The following STIL variants were observed in gnomAD, a reference collection of about 807,000 sequenced individuals.
STIL encodes STIL centriolar assembly protein.
STIL carries 55 observed loss-of-function variants against 110.1 expected under a neutral mutation model. The observed-to-expected ratio is 0.50, with a 90% CI of 0.40 to 0.63. The LOEUF (loss-of-function observed/expected upper bound fraction) is 0.63. Ranked by LOEUF, STIL falls within the 20% of genes least tolerant of loss-of-function variation. The probability of loss-of-function intolerance (pLI) is 0.00; values close to 1 mark genes in which losing one functional copy is unlikely to be tolerated. For synonymous variants in STIL, 481 were observed against 530.0 expected (o/e 0.91, Z 1.27); for missense variants, 1,358 against 1,530.0 (o/e 0.89, Z 1.87).
At chr1:47,293,232 T>C (rs1291386003) in intron 8 of STIL, among the ~76,000 whole-genome samples, 2 of 152,180 alleles carry the variant, frequency 1.3e-5, no homozygotes, top group African/African-American at 2.4e-5. Flanking sequence ...TTGTGTTCTG[T>C]GGTTAGGCAA....
At chr1:47,285,442 C>T (rs146203323) in intron 10 of STIL, among the ~76,000 whole-genome samples, 381 of 152,202 alleles carry the variant, frequency 2.5e-3, no homozygotes, top group Admixed American at 7.1e-3. Context: ...TCTGGAGAAC[C>T]CTAATACAAG....
intron 13 of STIL, among the ~76,000 whole-genome samples, chr1:47,270,194 T>C (rs1414391887): frequency 6.8e-6 from 1 of 147,010 alleles, no homozygotes; most frequent in Non-Finnish European, 1.5e-5. Flanking sequence ...GCTGTGATTG[T>C]GCTACTGCAT....
In STIL at chr1:47,301,664, G is replaced by A. The variant is rs1355700301; in HGVS notation, c.350C>T (p.Ser117Phe). The change falls in exon 5 of 17, where the codon TCT (serine) becomes TTT (phenylalanine). Residue 117 changes from serine to phenylalanine, a missense_variant. Transcript: ENST00000371877. ...TGGAATCAAAAAGTCCCCAGGAAGAGAAGCAGTAGGGGTTATTTCTAGGCA... is the reference window on the plus strand; with the variant it reads ...TGGAATCAAAAAGTCCCCAGGAAGAAAAGCAGTAGGGGTTATTTCTAGGCA... ...PECLEITPTASLPGDFLIPCK... is the reference protein window; with the variant it reads ...PECLEITPTAFLPGDFLIPCK... The A allele has an allele frequency of 1.9e-6, 3 of 1,614,048 alleles. No individual in the cohort carries two copies. Among genetic ancestry groups the A allele is most frequent in the South Asian group, 1.1e-5 (1 of 91,084 alleles).
chr1:47,265,260 A>AAAAAAAAAAAAAAAAAC (rs1553170532), intron 14 of STIL, among the ~76,000 whole-genome samples: 1 of 148,422 alleles, frequency 6.7e-6, no homozygotes, highest in African/African-American at 2.5e-5. Context: ...AAAAAAAAAA[A>AAAAAAAAAAAAAAAAAC]CACAAGATTG....
At chr1:47,292,908 A>T (rs996466236) in intron 8 of STIL, among the ~76,000 whole-genome samples, 11 of 152,336 alleles carry the variant, frequency 7.2e-5, no homozygotes, top group African/African-American at 2.2e-4. Flanking sequence ...CTCATTTAAT[A>T]GATAAAGAAG....
At chr1:47,272,022 T>A in intron 13 of STIL, 54 bp downstream of exon 13, 3 of 1,583,944 alleles carry the variant, frequency 1.9e-6, no homozygotes, top group Non-Finnish European at 2.6e-6. Context: ...AAAAACCAGA[T>A]ATGAAAAGCA....
chr1:47,300,416 T>C (rs571660222), intron 5 of STIL, among the ~76,000 whole-genome samples: 11 of 152,260 alleles, frequency 7.2e-5, no homozygotes, highest in East Asian at 5.8e-4. Flanking sequence ...TTCAGTCTTA[T>C]TGGGGAGTCA....
At chr1:47,267,922 A>G (rs1041279221) in intron 14 of STIL, among the ~76,000 whole-genome samples, 1 of 152,076 alleles carries the variant, frequency 6.6e-6, no homozygotes, top group Admixed American at 6.6e-5. Flanking sequence ...TTTAATGGAA[A>G]ATTTCATAAT....
At position 47,293,491 on chromosome 1, in the gene STIL, A is replaced by G; in HGVS notation, c.839T>C (p.Leu280Ser). 1 of 1,613,520 alleles carries G rather than the reference A, an allele frequency of 6.2e-7. No homozygotes were observed. Among genetic ancestry groups the G allele is most frequent in the Non-Finnish European group, 8.5e-7 (1 of 1,179,634 alleles). ...IYSPQVWACC[L>S]RYIFNSSVQE... ...AACAGAAGAATTGAATATGTATCGC[A>G]AACAGCAAGCCCATACCTGAGGACT... The change falls in exon 8 of 17, where the codon TTG (leucine) becomes TCG (serine). Residue 280 changes from leucine to serine, a missense_variant. Physicochemically the swap from Leu to Ser is moderately radical, Grantham distance 145. Transcript: ENST00000371877.
At chr1:47,288,581 G>T (rs1295529665) in intron 9 of STIL, among the ~76,000 whole-genome samples, 1 of 151,980 alleles carries the variant, frequency 6.6e-6, no homozygotes, top group Non-Finnish European at 1.5e-5. Flanking sequence ...CGAGGTGTGA[G>T]CCGCCACGCC....
intron 13 of STIL, among the ~76,000 whole-genome samples, chr1:47,270,954 T>C (rs909930866): frequency 2.6e-5 from 4 of 152,102 alleles, no homozygotes; most frequent in Admixed American, 2.6e-4. Flanking sequence ...GCAAACATTA[T>C]AGGCATGAGC....
At chr1:47,266,216 T>C (rs1286372121) in intron 14 of STIL, among the ~76,000 whole-genome samples, 1 of 152,232 alleles carries the variant, frequency 6.6e-6, no homozygotes, top group Non-Finnish European at 1.5e-5. Context: ...TAAAAGGAGA[T>C]GTTTCTCTGT....
At chr1:47,265,254 A>AAAAAAC in intron 14 of STIL, among the ~76,000 whole-genome samples, 1 of 150,816 alleles carries the variant, frequency 6.6e-6, no homozygotes, top group East Asian at 1.9e-4. Context: ...AAAAAAAAAA[A>AAAAAAC]AAAAAACACA....
rs1255253345 is a variant in STIL, at chr1:47,310,306, T to C, written c.14A>G (p.Tyr5Cys). The stretch of plus-strand genomic sequence containing the variant: ...ATTCATCTGGGGCCGTGCAAAAGGA[T>C]ATATAGGCTCCATGATGTCTGGTGA... MEPI[Y>C]PFARPQMNTR... The change falls in exon 2 of 17, where the codon TAT (tyrosine) becomes TGT (cysteine). Residue 5 changes from tyrosine (Y) to cysteine (C), a missense_variant. Transcript: ENST00000371877. The C allele has an allele frequency of 1.9e-6, 3 of 1,613,066 alleles. No homozygotes were observed. Among genetic ancestry groups the C allele is most frequent in the Non-Finnish European group, 2.5e-6 (3 of 1,179,592 alleles).
intron 2 of STIL, among the ~76,000 whole-genome samples, chr1:47,307,575 T>G (rs1645997524): frequency 6.6e-6 from 1 of 152,190 alleles, no homozygotes; most frequent in African/African-American, 2.4e-5. Context: ...GAGAAGGATG[T>G]ATATCGTCTC....
intron 14 of STIL, among the ~76,000 whole-genome samples, chr1:47,267,383 G>A (rs1644684005): frequency 6.6e-6 from 1 of 152,102 alleles, no homozygotes; most frequent in African/African-American, 2.4e-5. Context: ...AATATTTGCT[G>A]AGTTTGTTTC....
intron 7 of STIL, among the ~76,000 whole-genome samples, chr1:47,294,882 G>A (rs1183226635): frequency 6.6e-6 from 1 of 152,056 alleles, no homozygotes; most frequent in Non-Finnish European, 1.5e-5. Flanking sequence ...AAGAAACAGG[G>A]CTCTAAGCCT....
At chr1:47,286,460 G>A (rs996893194) in intron 10 of STIL, among the ~76,000 whole-genome samples, 2 of 151,972 alleles carry the variant, frequency 1.3e-5, no homozygotes, top group Non-Finnish European at 2.9e-5. Context: ...TGTAATCCCA[G>A]CACTTTGGGA....
chr1:47,267,426 C>T (rs1644684740), intron 14 of STIL, among the ~76,000 whole-genome samples: 1 of 151,942 alleles, frequency 6.6e-6, no homozygotes, highest in Admixed American at 6.6e-5. Flanking sequence ...TACTTTAGGC[C>T]AGGTGCAGTG....
Sources: allele counts gnomAD v4.1 joint callset (sites outside exome capture counted in the v4.1 genomes callset), GRCh38; gene constraint gnomAD v4.1.1; transcripts MANE v1.5; gene names NCBI Gene and HGNC (gene_info 2026-07-23, HGNC 2026-07-21).